The following GRM6 variants were observed in gnomAD, a reference collection of about 807,000 sequenced individuals.
The protein encoded by GRM6 is metabotropic glutamate receptor 6.
GRM6 carries 73 observed loss-of-function variants against 78.4 expected under a neutral mutation model. The ratio of observed to expected loss-of-function variants is 0.93; its 90% confidence interval spans 0.77 to 1.13. The LOEUF (loss-of-function observed/expected upper bound fraction) is 1.13, where lower values mean the gene tolerates loss of function less well. GRM6 is among the 50% of genes most tolerant of loss of function. GRM6 has a pLI of 0.00. For missense variants in GRM6, 1,251 were observed against 1,256.4 expected (o/e 1.00, Z 0.07); for synonymous variants, 580 against 555.0 (o/e 1.05, Z -0.63).
Position 178,978,682 on chromosome 5 carries a change from C to G in GRM6, c.*2975G>C, listed in dbSNP as rs1235362115. On this transcript the variant is annotated 3_prime_UTR_variant, in exon 11 of 11. Coordinates refer to ENST00000517717, the MANE Select transcript of GRM6 (RefSeq NM_000843.4). Reference sequence around the variant, plus strand: ...TTTAATTGTGTAAACATGGAATAAGCCTCCAACCCAGAACTCCATTTTCAC... The same window carrying G: ...TTTAATTGTGTAAACATGGAATAAGGCTCCAACCCAGAACTCCATTTTCAC... The G allele has an allele frequency of 1.3e-5, 2 of 152,164 alleles. No homozygotes were observed. Among genetic ancestry groups the G allele is most frequent in the Non-Finnish European group, 2.9e-5 (2 of 68,040 alleles). The allele number at this position is 152,164 out of a possible 1,614,324, so 9.4% of individuals were successfully genotyped here.
In GRM6 at chr5:178,979,107, T is replaced by C. The variant is rs374317585; in HGVS notation, c.*2550A>G. On this transcript the variant is annotated 3_prime_UTR_variant, in exon 11 of 11. Transcript: ENST00000517717. ...TCTCTACAAAAAATAAAACATTAGC[T>C]GGGTATGGTCGTGCGCACCAGCTAC... 6.6e-6 allele frequency: 1 copy of C among 152,158 alleles called. No homozygotes were observed. The highest frequency in any genetic ancestry group is 1.9e-4 in the East Asian group (1 of 5,192). 9.4% of individuals were successfully genotyped at this position (152,158 alleles called of 1,614,324 possible).
chr5:178,981,985 G>C lies in GRM6; in HGVS notation c.2437-131C>G, dbSNP rs766952342. 5.9e-5 allele frequency: 46 copies of C among 777,866 alleles called. No individual in the cohort carries two copies. The highest frequency in any genetic ancestry group is 5.6e-5 in the Non-Finnish European group (24 of 431,776). 48.2% of individuals were successfully genotyped at this position (777,866 alleles called of 1,614,324 possible). ...GAACTGGGAATGAGCACTTAGACCA[G>C]GACAACAGTATGAGCAGGGGCCCCG... On this transcript the variant is annotated intron_variant, in intron 10 of 10. Coordinates refer to ENST00000517717, the MANE Select transcript of GRM6 (RefSeq NM_000843.4). This position sits in a 1 kb window ranked among gnomAD's most constrained non-coding sequence, Gnocchi z 5.1.
rs1760555297 is a variant in GRM6 at position 178,986,503 on chromosome 5, G to A, written c.1751C>T (p.Pro584Leu). 1.9e-6 allele frequency: 3 copies of A among 1,609,754 alleles called. No individual in the cohort carries two copies. Among genetic ancestry groups the A allele is most frequent in the Non-Finnish European group, 2.5e-6 (3 of 1,178,852 alleles). Residue 584 changes from proline to leucine, a missense_variant, in exon 9 of 11, where the codon CCC becomes CTC. Physicochemically the swap from Pro to Leu is moderately conservative, Grantham distance 98 (BLOSUM62 -3). Transcript: ENST00000517717. The stretch of plus-strand genomic sequence containing the variant: ...CAGGAGGAGCGGCGGGGCTGCCCAG[G>A]GGGAGGACCAGCTCAGGCGCACCAC... The part of the protein sequence containing the change: ...TPVVRLSWSS[P>L]WAAPPLLLAV...
At position 178,986,306 on chromosome 5, in the gene GRM6, A is replaced by G; in HGVS notation, c.1948T>C (p.Cys650Arg). The change falls in exon 9 of 11, where the codon TGT becomes CGT. Residue 650 changes from cysteine (C) to arginine (R), a missense_variant. By Grantham distance (180) the Cys-to-Arg change is radical. Coordinates refer to ENST00000517717, the MANE Select transcript of GRM6 (RefSeq NM_000843.4). ...LMVAEPGAAV[C>R]AARRLFLGLG... ...CCCAGGAAGAGCCTGCGGGCGGCAC[A>G]GACCGCGGCCCCAGGCTCAGCCACC... The G allele has an allele frequency of 6.2e-7, 1 of 1,614,032 alleles. No homozygotes were observed. Among genetic ancestry groups the G allele is most frequent in the Non-Finnish European group, 8.5e-7 (1 of 1,179,976 alleles).
intron 5 of GRM6, chr5:178,990,020 GT>G (rs1352853806): frequency 5.0e-6 from 1 of 198,684 alleles, no homozygotes. Context: ...AATAAAAGGC[GT>G]GATGGTATAT....
intron 6 of GRM6, 41 bp downstream of exon 6, chr5:178,989,224 T>TGC: frequency 2.4e-6 from 2 of 826,422 alleles, no homozygotes; most frequent in Non-Finnish European, 3.5e-6. Context: ...CTCACCACCC[T>TGC]CCCCACCCTC....
At chr5:178,995,134 A>G (rs1305142153) in intron 1 of GRM6, 142 bp downstream of exon 1, 2 of 234,708 alleles carry the variant, frequency 8.5e-6, no homozygotes, top group Non-Finnish European at 1.5e-5. Flanking sequence ...TCTCGCTCTT[A>G]CAAGCGCCGA....
rs368697449 is a variant in GRM6, at chr5:178,991,850, C to T, written c.721+17G>A. The stretch of plus-strand genomic sequence containing the variant: ...ACACTATGTAGACTCCTTGGTGCCT[C>T]GGAGCCCCCAGCTCACCAGCCTCTC... On this transcript the variant is annotated intron_variant, in intron 3 of 10. Coordinates refer to ENST00000517717, the MANE Select transcript of GRM6 (RefSeq NM_000843.4). The surrounding 1 kb of genome is among the most constrained non-coding windows in gnomAD (Gnocchi z 5.0). 3.8e-5 allele frequency: 61 copies of T among 1,605,112 alleles called. No individual in the cohort carries two copies. The highest frequency in any genetic ancestry group is 6.7e-5 in the Admixed American group (4 of 59,916).
chr5:178,991,963 T>G lies in GRM6; in HGVS notation c.625A>C (p.Arg209=), dbSNP rs1308727117. ...GACACATAGTTCCATCCCAGTGCCC[T>G]CACGATGTCCACCATGGCCTGCGCC... ...YQAQAMVDIV[R]ALGWNYVSTL... is the part of the protein sequence containing the mutation. Residue 209 remains arginine, a synonymous_variant, in exon 3 of 11, where the codon AGG becomes CGG. Transcript: ENST00000517717. This position sits in a 1 kb window ranked among gnomAD's most constrained non-coding sequence, Gnocchi z 5.0. The G allele has an allele frequency of 1.9e-6, 3 of 1,613,954 alleles. No homozygotes were observed. Among genetic ancestry groups the G allele is most frequent in the Non-Finnish European group, 2.5e-6 (3 of 1,180,000 alleles).
At chr5:178,989,167 C>T (rs775752099) in intron 6 of GRM6, 32 bp from the exon 7 acceptor site, 13 of 1,606,670 alleles carry the variant, frequency 8.1e-6, no homozygotes, top group Middle Eastern at 1.7e-4. Context: ...AAAGTGTGCC[C>T]GGCCCCCATG....
chr5:178,988,993 C>T lies in GRM6; in HGVS notation c.1296G>A (p.Ala432=), dbSNP rs373196480. 1.9e-5 allele frequency: 30 copies of T among 1,613,968 alleles called. 1 individual carries two copies. The highest frequency in any genetic ancestry group is 3.3e-5 in the Admixed American group (2 of 60,000). The change falls in exon 7 of 11, where the codon GCG becomes GCA. Residue 432 remains alanine, a synonymous_variant. Transcript: ENST00000517717. The surrounding 1 kb of genome is among the most constrained non-coding windows in gnomAD (Gnocchi z 6.0). The part of the protein sequence containing the change: ...LCPGHTGLCP[A]MEPTDGRMLL... ...GCATCCGCCCATCAGTGGGTTCCAT[C>T]GCCGGGCACAGGCCTGTGTGCCCAG...
chr5:178,995,067 G>A, intron 1 of GRM6, 107 bp from the exon 2 acceptor site: 1 of 561,430 alleles, frequency 1.8e-6, no homozygotes, highest in Non-Finnish European at 2.4e-6. Flanking sequence ...GGCGCTCGGG[G>A]CGCGCCTTCC....
At chr5:178,993,683 C>T (rs1420487474) in intron 2 of GRM6, among the ~76,000 whole-genome samples, 1 of 152,178 alleles carries the variant, frequency 6.6e-6, no homozygotes, top group East Asian at 1.9e-4. Flanking sequence ...CAGTGAATGA[C>T]CAAATCGAAA....
intron 9 of GRM6, chr5:178,985,594 T>G (rs530348414): frequency 5.8e-6 from 2 of 346,980 alleles, no homozygotes; most frequent in Non-Finnish European, 1.1e-5. Flanking sequence ...TCCCAGCTAC[T>G]CGGGAGGCTG....
At position 178,994,685 on chromosome 5, in the gene GRM6, GGCA is replaced by G. The variant is rs1760741211; in HGVS notation, c.257_259del (p.Leu86del). 6 of 1,470,342 alleles carry G rather than the reference GGCA, an allele frequency of 4.1e-6. No homozygotes were observed. In the East Asian group the frequency reaches 1.8e-4, roughly 44 times the overall value. 91.1% of individuals were successfully genotyped at this position (1,470,342 alleles called of 1,614,324 possible). The stretch of plus-strand genomic sequence containing the variant: ...CAGCCGCGCGCCCAGGCGCACGCCG[GGCA>G]GCAGCTCGGGGTCGGCGTTGACGCG... On this transcript the variant is annotated inframe_deletion, in exon 2 of 11. Transcript: ENST00000517717.
At chr5:178,984,601 C>T (rs990400089) in intron 9 of GRM6, among the ~76,000 whole-genome samples, 1 of 152,096 alleles carries the variant, frequency 6.6e-6, no homozygotes, top group South Asian at 2.1e-4. Flanking sequence ...TAAGCATCTC[C>T]ACCTGAGGGT....
rs750208759 is a variant in GRM6 at position 178,992,153 on chromosome 5, G to T, written c.505-70C>A. On this transcript the variant is annotated intron_variant, in intron 2 of 10. Coordinates refer to ENST00000517717, the MANE Select transcript of GRM6 (RefSeq NM_000843.4). The surrounding 1 kb of genome is among the most constrained non-coding windows in gnomAD (Gnocchi z 4.9). ...ACTCAAGAGAGGGAGGGTAAGGGGGGCCCAGGACACGGACGGGGCACAGAA... is the reference window on the plus strand; with the variant it reads ...ACTCAAGAGAGGGAGGGTAAGGGGGTCCCAGGACACGGACGGGGCACAGAA... 1.6e-5 allele frequency: 17 copies of T among 1,051,804 alleles called. No individual in the cohort carries two copies. Among genetic ancestry groups the T allele is most frequent in the Non-Finnish European group, 2.5e-5 (17 of 685,786 alleles). 65.2% of individuals were successfully genotyped at this position (1,051,804 alleles called of 1,614,324 possible). A position where few individuals can be genotyped will look rare whatever the true frequency, so the allele number is the denominator to read the frequency against.
chr5:178,982,438 C>T (rs1484528103), intron 10 of GRM6, among the ~76,000 whole-genome samples: 2 of 151,774 alleles, frequency 1.3e-5, no homozygotes, highest in African/African-American at 4.8e-5. Flanking sequence ...ATTGCCCAGG[C>T]GTGGTGGCAG....
At chr5:178,985,543 A>T (rs1042285232) in intron 9 of GRM6, 19 of 337,150 alleles carry the variant, frequency 5.6e-5, no homozygotes, top group African/African-American at 2.4e-4. Flanking sequence ...CTCTACTAAA[A>T]ATACAAAAAA....
Sources: allele counts gnomAD v4.1 joint callset (sites outside exome capture counted in the v4.1 genomes callset), GRCh38; gene constraint gnomAD v4.1.1; non-coding constraint Gnocchi (gnomAD v3.1); transcripts MANE v1.5; gene names NCBI Gene and HGNC (gene_info 2026-07-23, HGNC 2026-07-21).